IL15: variants seen among roughly 807,000 people sequenced by gnomAD.
The protein encoded by IL15 is interleukin-15.
In IL15, 11 loss-of-function variants were observed where a neutral mutation model predicts 19.6. That is an observed-to-expected ratio of 0.56 (90% confidence interval 0.35 to 0.93). The LOEUF is 0.93. Among genes scored for constraint, IL15 ranks in the 40% least tolerant of loss-of-function variants. The pLI is 0.01. For missense variants in IL15, 197 were observed against 186.5 expected (o/e 1.06, Z -0.33); for synonymous variants, 58 against 59.6 (o/e 0.97, Z 0.12).
At chr4:141,681,218 G>T (rs2152172458) in intron 2 of IL15, among the ~76,000 whole-genome samples, 1 of 151,286 alleles carries the variant, frequency 6.6e-6, no homozygotes, top group South Asian at 2.1e-4. Context: ...TCTTATATAA[G>T]ATGCGCTGTG....
intron 2 of IL15, among the ~76,000 whole-genome samples, chr4:141,674,477 T>C (rs1245654008): frequency 6.6e-6 from 1 of 152,018 alleles, no homozygotes; most frequent in Non-Finnish European, 1.5e-5. Context: ...TCCCAGCTAC[T>C]CAGGAGGCTG....
intron 2 of IL15, among the ~76,000 whole-genome samples, chr4:141,674,952 A>G (rs1176276683): frequency 1.3e-5 from 2 of 152,148 alleles, no homozygotes; most frequent in Non-Finnish European, 2.9e-5. Context: ...GGGTCTCTGA[A>G]GGTAGAAATC....
intron 1 of IL15, among the ~76,000 whole-genome samples, chr4:141,648,153 G>A (rs1578987073): frequency 6.6e-6 from 1 of 151,972 alleles, no homozygotes; most frequent in East Asian, 1.9e-4. Context: ...TGATCACATG[G>A]CTTTTGGGAA....
rs1048166880 is a variant in IL15, at chr4:141,732,791, T to C, written c.432T>C (p.Ile144=). ...GTGAGGAACTGGAGGAAAAAAATAT[T>C]AAAGAATTTTTGCAGAGTTTTGTAC... ...KECEELEEKN[I]KEFLQSFVHI... is the part of the protein sequence containing the mutation. Residue 144 remains isoleucine (I), a synonymous_variant, in exon 8 of 8, where the codon ATT becomes ATC. Coordinates refer to ENST00000320650, the MANE Select transcript of IL15 (RefSeq NM_000585.5). The C allele has an allele frequency of 6.2e-7, 1 of 1,612,862 alleles. No individual in the cohort carries two copies. Among genetic ancestry groups the C allele is most frequent in the African/African-American group, 1.3e-5 (1 of 74,888 alleles).
At chr4:141,693,115 G>C (rs1466561098) in intron 2 of IL15, among the ~76,000 whole-genome samples, 5 of 150,994 alleles carry the variant, frequency 3.3e-5, no homozygotes, top group Non-Finnish European at 7.4e-5. Flanking sequence ...TGGCTGGGGA[G>C]GCCTCAGGAA....
At chr4:141,710,059 C>G (rs77768434) in intron 2 of IL15, among the ~76,000 whole-genome samples, 4,069 of 152,250 alleles carry the variant, frequency 0.027, 185 homozygotes, top group African/African-American at 0.092. Flanking sequence ...CCAGCTGCAT[C>G]CAAGCTGCTG....
chr4:141,666,509 C>T (rs1727992051), intron 2 of IL15, among the ~76,000 whole-genome samples: 1 of 152,046 alleles, frequency 6.6e-6, no homozygotes, highest in Non-Finnish European at 1.5e-5. Flanking sequence ...GTGCACACCA[C>T]CCTGCCTGGC....
intron 2 of IL15, among the ~76,000 whole-genome samples, chr4:141,698,372 C>G (rs1367243645): frequency 6.6e-6 from 1 of 151,728 alleles, no homozygotes; most frequent in East Asian, 1.9e-4. Context: ...AGGGAGGATT[C>G]TCTCTTTATC....
At chr4:141,661,399 A>G (rs1727782489) in intron 2 of IL15, among the ~76,000 whole-genome samples, 1 of 152,196 alleles carries the variant, frequency 6.6e-6, no homozygotes, top group Non-Finnish European at 1.5e-5. Context: ...CACATCTTTT[A>G]AAAAGGAGAG....
At chr4:141,705,497 A>C (rs143633320) in intron 2 of IL15, among the ~76,000 whole-genome samples, 324 of 152,166 alleles carry the variant, frequency 2.1e-3, no homozygotes, top group African/African-American at 7.4e-3. Context: ...TTTGTGGCCT[A>C]ACATGTGATC....
At chr4:141,646,985 A>G (rs1322147558) in intron 1 of IL15, among the ~76,000 whole-genome samples, 2 of 152,266 alleles carry the variant, frequency 1.3e-5, no homozygotes, top group African/African-American at 4.8e-5. Flanking sequence ...TGAATGAGGG[A>G]ATGAATGGAT....
chr4:141,697,749 A>AT (rs201031095), intron 2 of IL15, among the ~76,000 whole-genome samples: 6 of 149,184 alleles, frequency 4.0e-5, no homozygotes, highest in African/African-American at 7.4e-5. Context: ...ATATTCCTTT[A>AT]TTTTTTTTTC....
intron 3 of IL15, 100 bp from the exon 4 acceptor site, chr4:141,720,369 A>G: frequency 1.5e-6 from 1 of 648,772 alleles, no homozygotes. Flanking sequence ...AAATTATGAC[A>G]AACTTACATC....
intron 2 of IL15, among the ~76,000 whole-genome samples, chr4:141,682,470 T>A (rs930206715): frequency 2.0e-5 from 3 of 152,194 alleles, no homozygotes; most frequent in Admixed American, 2.0e-4. Flanking sequence ...AATATATCTG[T>A]CAGAAAGTCA....
At chr4:141,688,918 C>T (rs34468566) in intron 2 of IL15, 16,739 of 154,364 alleles carry the variant, frequency 0.11, 1,456 homozygotes, top group East Asian at 0.41. Flanking sequence ...AGTGTTACAG[C>T]TCTTAAGGTG....
Position 141,660,116 on chromosome 4 carries a change from T to C in IL15, c.-100+3809T>C, listed in dbSNP as rs112196411. 2.5e-3 allele frequency among the ~76,000 whole-genome samples: 377 copies of C among 152,310 alleles called. 1 individual carries two copies. The highest frequency in any genetic ancestry group is 4.6e-3 in the Non-Finnish European group (310 of 68,016). ...GCACTATTTGTATCAGTTAATCCCT[T>C]GAAGGTAGCTTTTATTTTGGATAGT... On this transcript the variant is annotated intron_variant, in intron 2 of 7. Coordinates refer to ENST00000320650, the MANE Select transcript of IL15 (RefSeq NM_000585.5).
intron 2 of IL15, among the ~76,000 whole-genome samples, chr4:141,682,409 G>A (rs1420360022): frequency 1.3e-5 from 2 of 152,102 alleles, no homozygotes; most frequent in Non-Finnish European, 2.9e-5. Context: ...TTTACCTAGA[G>A]TTACATAAAC....
chr4:141,721,197 C>G, intron 4 of IL15: 2 of 905,768 alleles, frequency 2.2e-6, no homozygotes, highest in Non-Finnish European at 3.6e-6. Flanking sequence ...CATCATAAGA[C>G]AGATTAGTGT....
At position 141,671,593 on chromosome 4, in the gene IL15, T is replaced by C. The variant is rs1370585584; in HGVS notation, c.-100+15286T>C. ...ACTCACCTGTCTGGTGCCTCGGTGA[T>C]GGCTGTTGTGTGAGCCGCTTTCATC... On this transcript the variant is annotated intron_variant, in intron 2 of 7. Transcript: ENST00000320650. 2.0e-5 allele frequency among the ~76,000 whole-genome samples: 3 copies of C among 152,220 alleles called. No homozygotes were observed. In the East Asian group the frequency reaches 5.8e-4, roughly 29 times the overall value.
Sources: gnomAD v4.1 joint callset for allele counts (sites outside exome capture counted in the v4.1 genomes callset) on GRCh38, gnomAD v4.1.1 for gene constraint, MANE v1.5 for transcripts, NCBI Gene and HGNC (gene_info 2026-07-23, HGNC 2026-07-21) for gene names.